The following DYNC2I2 variants were observed in gnomAD, a reference collection of about 807,000 sequenced individuals.
DYNC2I2 encodes the protein dynein 2 intermediate chain 2.
In DYNC2I2, 39 loss-of-function variants were observed where a neutral mutation model predicts 52.0. The ratio of observed to expected loss-of-function variants is 0.75; its 90% CI spans 0.58 to 0.98. DYNC2I2 has a LOEUF of 0.98. Ranked by LOEUF, DYNC2I2 falls within the 50% of genes least tolerant of loss-of-function variation. The probability of loss-of-function intolerance (pLI) is 0.00; values close to 1 mark genes in which losing one functional copy is unlikely to be tolerated. For missense variants in DYNC2I2, 743 were observed against 728.4 expected, an observed-to-expected ratio of 1.02 and a Z score of -0.23; for synonymous variants, 359 against 321.1, an observed-to-expected ratio of 1.12 and a Z score of -1.26.
chr9:128,654,276 G>A (rs1589437411), intron 1 of DYNC2I2, among the ~76,000 whole-genome samples: 1 of 152,110 alleles, frequency 6.6e-6, no homozygotes, highest in Non-Finnish European at 1.5e-5. Context: ...AAGATTTCAT[G>A]GAAACCTCAC....
At chr9:128,661,304 CAA>C (rs34937317), upstream of DYNC2I2, among the ~76,000 whole-genome samples, 11,360 of 61,870 alleles carry the variant, frequency 0.18, 562 homozygotes, top group African/African-American at 0.31. Flanking sequence ...GACTCCATCT[CAA>C]AAAAAAAAAA....
At position 128,656,747 on chromosome 9, in the gene DYNC2I2, GTGCGGACGCAC is replaced by G; in HGVS notation, c.-32_-22del. Reference sequence around the variant, plus strand: ...GCCATGGAGACGGTTCCGCCCTCTCGTGCGGACGCACTCAGGCGCGACCTCCGCCCCTACGC... The same window carrying G: ...GCCATGGAGACGGTTCCGCCCTCTCGTCAGGCGCGACCTCCGCCCCTACGC... On this transcript the variant is annotated 5_prime_UTR_variant, in exon 1 of 9. Transcript: ENST00000372715. The G allele has an allele frequency of 7.4e-7, 1 of 1,350,416 alleles. No homozygotes were observed. The highest frequency in any genetic ancestry group is 9.5e-7 in the Non-Finnish European group (1 of 1,051,370). 83.7% of individuals were successfully genotyped at this position (1,350,416 alleles called of 1,614,324 possible).
At chr9:128,656,011 C>T (rs1564346124) in intron 1 of DYNC2I2, among the ~76,000 whole-genome samples, 1 of 151,588 alleles carries the variant, frequency 6.6e-6, no homozygotes, top group South Asian at 2.1e-4. Flanking sequence ...AGTTGGAGAC[C>T]AGCCAGGGCA....
At chr9:128,653,396 G>A (rs1860756277) in intron 1 of DYNC2I2, among the ~76,000 whole-genome samples, 1 of 150,404 alleles carries the variant, frequency 6.6e-6, no homozygotes, top group Non-Finnish European at 1.5e-5. Context: ...TGGCCAATAT[G>A]GCGAAACCCC....
chr9:128,644,934 A>C (rs928811712), intron 1 of DYNC2I2, among the ~76,000 whole-genome samples: 18 of 152,188 alleles, frequency 1.2e-4, no homozygotes, highest in African/African-American at 4.3e-4. Flanking sequence ...AATTGTGCCT[A>C]CATGAGATGG....
chr9:128,668,229 G>A, the DYNC2I2 span, among the ~76,000 whole-genome samples: 1 of 151,260 alleles, frequency 6.6e-6, no homozygotes, highest in East Asian at 2.0e-4. Context: ...AAAGTGCTGG[G>A]ATTACAGGCG....
chr9:128,635,742 C>G lies in DYNC2I2; in HGVS notation c.729G>C (p.Leu243Phe), dbSNP rs1860396584. Residue 243 changes from leucine (L) to phenylalanine (F), a missense_variant, in exon 5 of 9, where the codon TTG becomes TTC. Transcript: ENST00000372715. Reference sequence around the variant, plus strand: ...CCTCAAGACGGCTCAGGTCCCACACCAACACCTCACCACTGTACAGCCCTC... The same window carrying G: ...CCTCAAGACGGCTCAGGTCCCACACGAACACCTCACCACTGTACAGCCCTC... ...VAGGLYSGEV[L>F]VWDLSRLEDP... 1 of 1,613,088 alleles carries G rather than the reference C, an allele frequency of 6.2e-7. No individual in the cohort carries two copies. The highest frequency in any genetic ancestry group is 2.2e-5 in the East Asian group (1 of 44,860).
the DYNC2I2 span, among the ~76,000 whole-genome samples, chr9:128,674,860 G>C: frequency 6.6e-6 from 1 of 151,856 alleles, no homozygotes; most frequent in Non-Finnish European, 1.5e-5. Flanking sequence ...ATTCAGGCGT[G>C]AGCCACCACG....
rs1451813865 is a variant in DYNC2I2, at chr9:128,656,839, C to T, written c.-113G>A. 1.9e-6 allele frequency: 2 copies of T among 1,076,494 alleles called. No individual in the cohort carries two copies. The highest frequency in any genetic ancestry group is 2.4e-6 in the Non-Finnish European group (2 of 817,076). 66.7% of individuals were successfully genotyped at this position (1,076,494 alleles called of 1,614,324 possible). On this transcript the variant is annotated 5_prime_UTR_variant, in exon 1 of 9. Coordinates refer to ENST00000372715, the MANE Select transcript of DYNC2I2 (RefSeq NM_052844.4). ...CTGACGGCGCCATGTTTGAATTGGT[C>T]GCAGCGCCTCCTGCAAGACCTGGAA...
At chr9:128,682,555 T>C in the DYNC2I2 span, among the ~76,000 whole-genome samples, 3 of 151,878 alleles carry the variant, frequency 2.0e-5, no homozygotes, top group Non-Finnish European at 1.5e-5. Context: ...GTGACGTCTG[T>C]AGTCCCAGCT....
At chr9:128,676,583 G>A in the DYNC2I2 span, among the ~76,000 whole-genome samples, 1 of 149,612 alleles carries the variant, frequency 6.7e-6, no homozygotes, top group South Asian at 2.1e-4. Flanking sequence ...CCAGGCTGGA[G>A]TACGGTGGTG....
the DYNC2I2 span, among the ~76,000 whole-genome samples, chr9:128,679,434 C>A: frequency 6.6e-6 from 1 of 152,074 alleles, no homozygotes; most frequent in African/African-American, 2.4e-5. Context: ...AGGTCATTGA[C>A]TTATGACTAA....
At chr9:128,659,067 AGGGCC>A (rs1443297260), upstream of DYNC2I2, among the ~76,000 whole-genome samples, 2 of 151,784 alleles carry the variant, frequency 1.3e-5, no homozygotes, top group East Asian at 3.9e-4. Flanking sequence ...CAATCCCTTC[AGGGCC>A]CAAGATTCCG....
At chr9:128,636,150 C>G in intron 4 of DYNC2I2, 131 bp downstream of exon 4, 4 of 1,384,836 alleles carry the variant, frequency 2.9e-6, no homozygotes, top group Non-Finnish European at 4.0e-6. Flanking sequence ...ACCTGGGCTC[C>G]AGACTGAGAG....
the DYNC2I2 span, among the ~76,000 whole-genome samples, chr9:128,672,026 T>C: frequency 6.7e-6 from 1 of 150,102 alleles, no homozygotes; most frequent in Non-Finnish European, 1.5e-5. Context: ...CAGGCTGGAG[T>C]GCAGTGGCGC....
At chr9:128,645,293 C>T (rs932309431) in intron 1 of DYNC2I2, among the ~76,000 whole-genome samples, 1 of 151,940 alleles carries the variant, frequency 6.6e-6, no homozygotes, top group South Asian at 2.1e-4. Flanking sequence ...GTCAGGAGTT[C>T]GAGACCAGCC....
At chr9:128,637,896 C>A (rs2132149501) in intron 2 of DYNC2I2, among the ~76,000 whole-genome samples, 1 of 152,264 alleles carries the variant, frequency 6.6e-6, no homozygotes, top group South Asian at 2.1e-4. Context: ...CCTCTCAGAT[C>A]CTCTGACGTT....
chr9:128,668,169 CA>C, the DYNC2I2 span, among the ~76,000 whole-genome samples: 10 of 152,034 alleles, frequency 6.6e-5, no homozygotes, highest in African/African-American at 2.4e-4. Flanking sequence ...TCATGTTGGC[CA>C]GGATGGTCTT....
In DYNC2I2 at chr9:128,634,674, G is replaced by T; in HGVS notation, c.1214+15C>A. On this transcript the variant is annotated intron_variant, in intron 7 of 8. Transcript: ENST00000372715. ...ACACCCTGGCCCCACTGTGCCCCAGGCCTGCCCTACGTACCTGTGGAAGGG... is the reference window on the plus strand; with the variant it reads ...ACACCCTGGCCCCACTGTGCCCCAGTCCTGCCCTACGTACCTGTGGAAGGG... 1 of 1,522,868 alleles carries T rather than the reference G, an allele frequency of 6.6e-7. No homozygotes were observed. Among genetic ancestry groups the T allele is most frequent in the Non-Finnish European group, 8.8e-7 (1 of 1,130,490 alleles). 94.3% of individuals were successfully genotyped at this position (1,522,868 alleles called of 1,614,324 possible). A position where few individuals can be genotyped will look rare whatever the true frequency, so the allele number is the denominator to read the frequency against.
Sources: allele counts gnomAD v4.1 joint callset (sites outside exome capture counted in the v4.1 genomes callset), GRCh38; gene constraint gnomAD v4.1.1; transcripts MANE v1.5; gene names NCBI Gene and HGNC (gene_info 2026-07-23, HGNC 2026-07-21).